GPC5: variants seen among roughly 807,000 people sequenced by gnomAD.
GPC5 encodes glypican-5.
In GPC5, 47 loss-of-function variants were observed where a neutral mutation model predicts 53.9. The observed-to-expected ratio is 0.87, with a 90% CI of 0.69 to 1.11. The LOEUF is 1.11. Among genes scored for constraint, GPC5 ranks in the 50% most tolerant of loss-of-function variants. The pLI, the probability that GPC5 is intolerant of heterozygous loss-of-function variation, is 0.00. For missense variants in GPC5, 748 were observed against 713.1 expected, an observed-to-expected ratio of 1.05 and a Z score of -0.56; for synonymous variants, 286 against 263.3, an observed-to-expected ratio of 1.09 and a Z score of -0.84.
At chr13:91,528,383 C>T (rs973478969) in intron 2 of GPC5, among the ~76,000 whole-genome samples, 1 of 152,318 alleles carries the variant, frequency 6.6e-6, no homozygotes, top group South Asian at 2.1e-4. Flanking sequence ...TGCTGCCAGT[C>T]TTTTTGCTAA....
intron 7 of GPC5, among the ~76,000 whole-genome samples, chr13:92,654,873 A>G (rs1423610311): frequency 6.6e-6 from 1 of 152,218 alleles, no homozygotes; most frequent in Non-Finnish European, 1.5e-5. Context: ...AGACGAATTT[A>G]CACTGGATTG....
intron 6 of GPC5, among the ~76,000 whole-genome samples, chr13:91,965,693 G>C (rs2040174306): frequency 6.6e-6 from 1 of 152,184 alleles, no homozygotes; most frequent in African/African-American, 2.4e-5. Flanking sequence ...GAAAGGGGCA[G>C]TCAGGCATGA....
intron 2 of GPC5, among the ~76,000 whole-genome samples, chr13:91,686,653 T>C (rs1480782601): frequency 6.6e-6 from 1 of 151,996 alleles, no homozygotes; most frequent in Non-Finnish European, 1.5e-5. Flanking sequence ...ATTAAAATTA[T>C]TCAGAAGTAC....
At chr13:91,615,801 A>G (rs41395847) in intron 2 of GPC5, among the ~76,000 whole-genome samples, 9,964 of 152,242 alleles carry the variant, frequency 0.065, 556 homozygotes, top group African/African-American at 0.15. Context: ...AGTTTTGAGA[A>G]AGAAATATCA....
Position 91,850,481 on chromosome 13 carries a change from C to A in GPC5, c.1281-57456C>A, listed in dbSNP as rs143660417. ...TAAAGGGATTTAATGTTGCCCTCTGCAACACCTATATGTAATAAAAGACAT... is the reference window on the plus strand; with the variant it reads ...TAAAGGGATTTAATGTTGCCCTCTGAAACACCTATATGTAATAAAAGACAT... On this transcript the variant is annotated intron_variant, in intron 5 of 7. Coordinates refer to ENST00000377067, the MANE Select transcript of GPC5 (RefSeq NM_004466.6). 7.7e-3 allele frequency among the ~76,000 whole-genome samples: 1,177 copies of A among 152,230 alleles called. 35 individuals are homozygous for A. Among genetic ancestry groups the A allele is most frequent in the Admixed American group, 0.056 (854 of 15,272 alleles).
intron 7 of GPC5, among the ~76,000 whole-genome samples, chr13:92,230,566 T>C (rs1435118486): frequency 6.6e-6 from 1 of 152,204 alleles, no homozygotes; most frequent in Non-Finnish European, 1.5e-5. Context: ...TTTCCTTATT[T>C]TCTCTCAAAA....
intron 6 of GPC5, among the ~76,000 whole-genome samples, chr13:92,014,460 G>T (rs964165271): frequency 2.6e-5 from 4 of 151,954 alleles, no homozygotes; most frequent in Admixed American, 1.3e-4. Flanking sequence ...AGGAATTTCT[G>T]GTATAATTCA....
chr13:91,540,468 G>T (rs1313371159), intron 2 of GPC5, among the ~76,000 whole-genome samples: 1 of 152,212 alleles, frequency 6.6e-6, no homozygotes, highest in Non-Finnish European at 1.5e-5. Context: ...GGGCTGGAGA[G>T]AAATGAAGAG....
chr13:92,513,754 A>G (rs962820174), intron 7 of GPC5, among the ~76,000 whole-genome samples: 80 of 152,210 alleles, frequency 5.3e-4, no homozygotes, highest in African/African-American at 1.9e-3. Flanking sequence ...ATCCAAGTCT[A>G]AACACAATAT....
chr13:91,520,897 CTT>C (rs1446533359), intron 2 of GPC5, among the ~76,000 whole-genome samples: 1 of 151,960 alleles, frequency 6.6e-6, no homozygotes, highest in Non-Finnish European at 1.5e-5. Context: ...GTTTTGGTAA[CTT>C]TCAAAGAATA....
intron 7 of GPC5, among the ~76,000 whole-genome samples, chr13:92,597,387 T>C (rs1272776507): frequency 6.6e-6 from 1 of 152,170 alleles, no homozygotes; most frequent in African/African-American, 2.4e-5. Context: ...ACGGATACTT[T>C]AGCTACATGA....
chr13:92,835,065 A>T (rs975924582), intron 7 of GPC5, among the ~76,000 whole-genome samples: 3 of 152,032 alleles, frequency 2.0e-5, no homozygotes, highest in East Asian at 1.9e-4. Flanking sequence ...TGAGCCTCCA[A>T]ATTTTTACTC....
chr13:92,727,753 T>A (rs1888684859), intron 7 of GPC5, among the ~76,000 whole-genome samples: 1 of 151,374 alleles, frequency 6.6e-6, no homozygotes, highest in South Asian at 2.1e-4. Flanking sequence ...TGACTCTCCA[T>A]TCATTTTCTA....
chr13:92,062,655 A>G (rs1422159834), intron 6 of GPC5, among the ~76,000 whole-genome samples: 2 of 152,038 alleles, frequency 1.3e-5, no homozygotes, highest in African/African-American at 4.8e-5. Context: ...GTTTTGTAAA[A>G]TAGTAAAATA....
At chr13:92,560,857 ATGTGTGTGTG>A (rs34114433) in intron 7 of GPC5, among the ~76,000 whole-genome samples, 49 of 139,254 alleles carry the variant, frequency 3.5e-4, no homozygotes, top group East Asian at 8.8e-4. Context: ...AGAAAATTAT[ATGTGTGTGTG>A]TGTGTGTGTG....
chr13:92,850,666 G>T (rs1239294723), intron 7 of GPC5, among the ~76,000 whole-genome samples: 1 of 152,084 alleles, frequency 6.6e-6, no homozygotes, highest in African/African-American at 2.4e-5. Flanking sequence ...GGTTAAAGAA[G>T]AAAGGTCTAT....
rs147064394 is a variant in GPC5 at position 92,179,898 on chromosome 13, A to G, written c.1561+34909A>G. ...TATAGGTGAATTAACTGAACTTTAG[A>G]TGGGGAAAGATATCAGCCTAAATTT... is the stretch of plus-strand genomic sequence containing the variant. On this transcript the variant is annotated intron_variant, in intron 7 of 7. Transcript: ENST00000377067. Among the ~76,000 whole-genome samples the G allele has an allele frequency of 6.0e-3, 909 of 152,330 alleles. 10 individuals carry two copies. Among genetic ancestry groups the G allele is most frequent in the African/African-American group, 0.021 (882 of 41,584 alleles).
At chr13:91,721,129 CT>C (rs2036462210) in intron 3 of GPC5, among the ~76,000 whole-genome samples, 2 of 58,414 alleles carry the variant, frequency 3.4e-5, no homozygotes, top group African/African-American at 6.8e-5. Context: ...TTCTTTCTTT[CT>C]TTCTTTCTTT....
intron 6 of GPC5, among the ~76,000 whole-genome samples, chr13:92,131,186 G>A (rs1408507006): frequency 5.3e-5 from 8 of 151,852 alleles, no homozygotes; most frequent in Non-Finnish European, 1.0e-4. Flanking sequence ...ATAATATCAA[G>A]GGTTTCAGAA....
Sources: gnomAD v4.1 joint callset for allele counts (sites outside exome capture counted in the v4.1 genomes callset) on GRCh38, gnomAD v4.1.1 for gene constraint, MANE v1.5 for transcripts, NCBI Gene and HGNC (gene_info 2026-07-23, HGNC 2026-07-21) for gene names.